SNX30: variants seen among roughly 807,000 people sequenced by gnomAD.
The protein encoded by SNX30 is sorting nexin family member 30.
SNX30 carries 24 observed loss-of-function variants against 46.4 expected under a neutral mutation model. The observed-to-expected ratio is 0.52, with a 90% confidence interval of 0.37 to 0.73. The LOEUF (loss-of-function observed/expected upper bound fraction) is 0.73, where lower values mean the gene tolerates loss of function less well. Ranked by LOEUF, SNX30 falls within the 30% of genes least tolerant of loss-of-function variation. The probability of loss-of-function intolerance (pLI) is 0.00; values close to 1 mark genes in which losing one functional copy is unlikely to be tolerated. For synonymous variants in SNX30, 189 were observed against 211.5 expected, an observed-to-expected ratio of 0.89 and a Z score of 0.92; for missense variants, 533 against 555.7, an observed-to-expected ratio of 0.96 and a Z score of 0.41.
At chr9:112,846,588 C>G (rs776570506) in intron 6 of SNX30, among the ~76,000 whole-genome samples, 6 of 152,144 alleles carry the variant, frequency 3.9e-5, no homozygotes, top group Non-Finnish European at 5.9e-5. Flanking sequence ...GGGCTACGTG[C>G]GTATTTTATT....
At chr9:112,841,337 A>C (rs1840854142) in intron 6 of SNX30, among the ~76,000 whole-genome samples, 1 of 152,264 alleles carries the variant, frequency 6.6e-6, no homozygotes, top group Non-Finnish European at 1.5e-5. Context: ...ACACTGGGAG[A>C]CATAGCTTGT....
chr9:112,814,720 C>T (rs920446232), intron 2 of SNX30, among the ~76,000 whole-genome samples: 1 of 152,120 alleles, frequency 6.6e-6, no homozygotes, highest in Non-Finnish European at 1.5e-5. Flanking sequence ...CCTGAGAATA[C>T]GTGGTAAGAA....
Position 112,861,006 on chromosome 9 carries a change from A to G in SNX30, c.1102-3241A>G, listed in dbSNP as rs547975963. 2.4e-4 allele frequency among the ~76,000 whole-genome samples: 36 copies of G among 152,354 alleles called. No homozygotes were observed. The East Asian group carries it at 6.0e-3, about 25-fold the overall frequency. On this transcript the variant is annotated intron_variant, in intron 7 of 8. Transcript: ENST00000374232. Reference sequence around the variant, plus strand: ...GACAATTATAGGTAAAGAAAAACAGATTTATTAGAAAAAGTAGGAAAATAC... The same window carrying G: ...GACAATTATAGGTAAAGAAAAACAGGTTTATTAGAAAAAGTAGGAAAATAC...
chr9:112,776,390 C>CTT (rs1839748384), intron 1 of SNX30, among the ~76,000 whole-genome samples: 1 of 152,170 alleles, frequency 6.6e-6, no homozygotes, highest in Admixed American at 6.5e-5. Flanking sequence ...GTTAAACCCA[C>CTT]TTATGTTTGT....
chr9:112,764,244 G>A (rs1025554392), intron 1 of SNX30, among the ~76,000 whole-genome samples: 3 of 152,230 alleles, frequency 2.0e-5, no homozygotes, highest in Non-Finnish European at 2.9e-5. Flanking sequence ...AGTGTCAAGT[G>A]ATGCACGCAC....
At chr9:112,814,252 A>G (rs1840363101) in intron 2 of SNX30, among the ~76,000 whole-genome samples, 1 of 152,108 alleles carries the variant, frequency 6.6e-6, no homozygotes, top group Admixed American at 6.6e-5. Context: ...ATTTTTATTT[A>G]TTTTTTGAGT....
chr9:112,858,791 G>A (rs566149128), intron 7 of SNX30, among the ~76,000 whole-genome samples: 1 of 152,092 alleles, frequency 6.6e-6, no homozygotes, highest in African/African-American at 2.4e-5. Context: ...CTCTTTCTGT[G>A]CCCGCCTTTC....
chr9:112,851,322 C>CACT (rs1369212326), intron 7 of SNX30, among the ~76,000 whole-genome samples: 1 of 152,190 alleles, frequency 6.6e-6, no homozygotes, highest in African/African-American at 2.4e-5. Flanking sequence ...AGTATAGAAG[C>CACT]ACTTGGAAAC....
At chr9:112,884,702 G>GT (rs1338409547), downstream of SNX30, among the ~76,000 whole-genome samples, 1 of 152,218 alleles carries the variant, frequency 6.6e-6, no homozygotes, top group African/African-American at 2.4e-5. Flanking sequence ...GTGTGCCTAA[G>GT]TGCCTTACCT....
At position 112,840,943 on chromosome 9, in the gene SNX30, C is replaced by T. The variant is rs1209557931; in HGVS notation, c.1014+2246C>T. On this transcript the variant is annotated intron_variant, in intron 6 of 8. Transcript: ENST00000374232. ...CACAGGTGCCCCCCACCACGCCTGG[C>T]TAATTTTTTGTATTTTTTTAGTGTC... is the stretch of plus-strand genomic sequence containing the variant. Among the ~76,000 whole-genome samples, 6 of 151,118 alleles carry T rather than the reference C, an allele frequency of 4.0e-5. No homozygotes were observed. In the East Asian group the frequency reaches 1.2e-3, roughly 29 times the overall value.
intron 7 of SNX30, among the ~76,000 whole-genome samples, chr9:112,859,996 A>C (rs754818283): frequency 6.6e-6 from 1 of 151,832 alleles, no homozygotes; most frequent in East Asian, 1.9e-4. Flanking sequence ...GCCAGGCTGG[A>C]GTGCAGTGGC....
chr9:112,865,674 T>TGCAC (rs1841324778), intron 8 of SNX30, among the ~76,000 whole-genome samples: 1 of 108,126 alleles, frequency 9.2e-6, no homozygotes, highest in Non-Finnish European at 2.0e-5. Context: ...TATGTATGTA[T>TGCAC]GCACACACAC....
chr9:112,837,550 A>C (rs915834806), intron 5 of SNX30, among the ~76,000 whole-genome samples: 10 of 151,740 alleles, frequency 6.6e-5, no homozygotes, highest in Admixed American at 3.3e-4. Flanking sequence ...ATCTCGGCTC[A>C]CTGCAAGCGC....
rs1840507686 is a variant in SNX30, at chr9:112,822,100, G to C, written c.459+4285G>C. 2.0e-5 allele frequency among the ~76,000 whole-genome samples: 3 copies of C among 152,044 alleles called. No homozygotes were observed. The South Asian group carries it at 6.2e-4, about 32-fold the overall frequency. ...CCTGGCTAATTCTTTTTTTGGTAGAGACAGAGTCTTGCTATGTTGCCCAGG... is the reference window on the plus strand; with the variant it reads ...CCTGGCTAATTCTTTTTTTGGTAGACACAGAGTCTTGCTATGTTGCCCAGG... On this transcript the variant is annotated intron_variant, in intron 3 of 8. Transcript: ENST00000374232.
intron 1 of SNX30, among the ~76,000 whole-genome samples, chr9:112,776,721 G>T (rs2131370919): frequency 6.6e-6 from 1 of 152,346 alleles, no homozygotes; most frequent in African/African-American, 2.4e-5. Context: ...GTGGATAGGG[G>T]TGGGGTAAGT....
chr9:112,808,599 A>G (rs866998438), intron 2 of SNX30, among the ~76,000 whole-genome samples: 1 of 152,214 alleles, frequency 6.6e-6, no homozygotes, highest in South Asian at 2.1e-4. Context: ...TATATAAGTA[A>G]TGTATGTTCA....
upstream of SNX30, among the ~76,000 whole-genome samples, chr9:112,750,154 C>T (rs1481137378): frequency 1.3e-5 from 2 of 152,200 alleles, no homozygotes; most frequent in African/African-American, 2.4e-5. Flanking sequence ...TCTACTCATG[C>T]TCGCTGTTCT....
chr9:112,884,627 A>G (rs1457590887), downstream of SNX30, among the ~76,000 whole-genome samples: 1 of 152,196 alleles, frequency 6.6e-6, no homozygotes, highest in Non-Finnish European at 1.5e-5. Flanking sequence ...ATAGCAGTCA[A>G]TTTAAAATCT....
chr9:112,793,350 A>T lies in SNX30; in HGVS notation c.157-11426A>T, dbSNP rs73550324. ...CCAACCCAGATGCCTTCATGTTCCT[A>T]TGAGCTGCTGCTTCCATCTCTACCC... On this transcript the variant is annotated intron_variant, in intron 1 of 8. Transcript: ENST00000374232. 8.7e-3 allele frequency among the ~76,000 whole-genome samples: 1,331 copies of T among 152,204 alleles called. 23 individuals are homozygous for T. Among genetic ancestry groups the T allele is most frequent in the African/African-American group, 0.03 (1,252 of 41,516 alleles).
Sources: gnomAD v4.1 joint callset for allele counts (sites outside exome capture counted in the v4.1 genomes callset) on GRCh38, gnomAD v4.1.1 for gene constraint, MANE v1.5 for transcripts, NCBI Gene and HGNC (gene_info 2026-07-23, HGNC 2026-07-21) for gene names.